CAMTA1: variants seen among roughly 807,000 people sequenced by gnomAD.
CAMTA1 encodes calmodulin-binding transcription activator 1.
In CAMTA1, 27 loss-of-function variants were observed where a neutral mutation model predicts 170.9. That is an observed-to-expected ratio of 0.16 (90% confidence interval 0.12 to 0.22). The LOEUF (loss-of-function observed/expected upper bound fraction) is 0.22. Ranked by LOEUF, CAMTA1 falls within the 10% of genes least tolerant of loss-of-function variation. CAMTA1 has a pLI of 1.00. For missense variants in CAMTA1, 1,619 were observed against 2,217.2 expected (o/e 0.73, Z 5.42); for synonymous variants, 833 against 891.5 (o/e 0.93, Z 1.17).
chr1:7,705,004 G>C (rs1444887749), intron 11 of CAMTA1, among the ~76,000 whole-genome samples: 1 of 136,602 alleles, frequency 7.3e-6, no homozygotes, highest in Non-Finnish European at 1.6e-5. Flanking sequence ...GGACACGCGT[G>C]CTCGCGGGCC....
At chr1:7,321,846 C>G (rs1206524637) in intron 5 of CAMTA1, among the ~76,000 whole-genome samples, 1 of 152,106 alleles carries the variant, frequency 6.6e-6, no homozygotes, top group Non-Finnish European at 1.5e-5. Flanking sequence ...CTTGCACCTC[C>G]TTCTCCTTTC....
At chr1:7,617,526 C>T (rs2095567107) in intron 6 of CAMTA1, among the ~76,000 whole-genome samples, 1 of 152,076 alleles carries the variant, frequency 6.6e-6, no homozygotes, top group African/African-American at 2.4e-5. Context: ...GCTCTAGGGC[C>T]AGCATATCAG....
At chr1:7,268,507 G>A (rs139353822) in intron 5 of CAMTA1, among the ~76,000 whole-genome samples, 4 of 152,202 alleles carry the variant, frequency 2.6e-5, no homozygotes, top group East Asian at 3.9e-4. Flanking sequence ...CAAACTAGTC[G>A]GTGTGAAGAG....
intron 19 of CAMTA1, among the ~76,000 whole-genome samples, chr1:7,750,185 C>A (rs2096886426): frequency 6.6e-6 from 1 of 152,182 alleles, no homozygotes; most frequent in African/African-American, 2.4e-5. Context: ...CAAAGACTTT[C>A]AGACCAGTGA....
chr1:7,390,616 C>T (rs2088591143), intron 5 of CAMTA1, among the ~76,000 whole-genome samples: 1 of 152,242 alleles, frequency 6.6e-6, no homozygotes, highest in South Asian at 2.1e-4. Context: ...TTCAGACACC[C>T]AGGCTGTGAA....
chr1:7,429,229 A>G (rs1226978178), intron 5 of CAMTA1, among the ~76,000 whole-genome samples: 1 of 152,242 alleles, frequency 6.6e-6, no homozygotes, highest in East Asian at 1.9e-4. Flanking sequence ...GGATACACGT[A>G]CCTCATATGG....
rs1460747047 is a variant in CAMTA1 at position 6,998,281 on chromosome 1, C to A, written c.235-93023C>A. Among the ~76,000 whole-genome samples the A allele has an allele frequency of 3.9e-5, 6 of 152,254 alleles. No homozygotes were observed. In the East Asian group the frequency reaches 1.2e-3, roughly 29 times the overall value. On this transcript the variant is annotated intron_variant, in intron 3 of 22. Transcript: ENST00000303635. ...ATTTTTAGTAGAGACAGAGTTTCAACATGTTGGCCAGGCTGGTCTGACCTC... is the reference window on the plus strand; with the variant it reads ...ATTTTTAGTAGAGACAGAGTTTCAAAATGTTGGCCAGGCTGGTCTGACCTC...
At chr1:7,431,157 C>G (rs2092137309) in intron 5 of CAMTA1, among the ~76,000 whole-genome samples, 1 of 152,194 alleles carries the variant, frequency 6.6e-6, no homozygotes, top group Non-Finnish European at 1.5e-5. Flanking sequence ...TCTGCCGACT[C>G]AGAGATGCCT....
At chr1:6,859,939 A>C (rs1664033193) in intron 3 of CAMTA1, among the ~76,000 whole-genome samples, 2 of 152,110 alleles carry the variant, frequency 1.3e-5, no homozygotes, top group Admixed American at 1.3e-4. Context: ...GAAGACTCAG[A>C]TCTCCTTTTA....
At position 7,203,992 on chromosome 1, in the gene CAMTA1, C is replaced by T. The variant is rs563501474; in HGVS notation, c.303-45499C>T. On this transcript the variant is annotated intron_variant, in intron 4 of 22. Coordinates refer to ENST00000303635, the MANE Select transcript of CAMTA1 (RefSeq NM_015215.4). Reference sequence around the variant, plus strand: ...GACTACAGGCGCCCGCCACCATGCCCGGCTAATTTTTTTTTTTGGTATTTT... The same window carrying T: ...GACTACAGGCGCCCGCCACCATGCCTGGCTAATTTTTTTTTTTGGTATTTT... 6.8e-3 allele frequency among the ~76,000 whole-genome samples: 1,010 copies of T among 147,756 alleles called. 6 individuals carry two copies. The highest frequency in any genetic ancestry group is 0.011 in the Non-Finnish European group (762 of 67,862).
chr1:7,361,405 TG>T (rs1451236392), intron 5 of CAMTA1, among the ~76,000 whole-genome samples: 3 of 152,156 alleles, frequency 2.0e-5, no homozygotes. Context: ...CAGGAAAAGC[TG>T]GGGAGGTGAC....
rs573348675 is a variant in CAMTA1 at position 7,766,116 on chromosome 1, G to A, written c.4990-343G>A. ...TGATAGGACATTAATGGTGGTCCAC[G>A]AGACTAAAAAGAAAGTTATTTGAAT... On this transcript the variant is annotated intron_variant, in intron 22 of 22. Transcript: ENST00000303635. Among the ~76,000 whole-genome samples the A allele has an allele frequency of 1.6e-4, 24 of 151,852 alleles. No individual in the cohort carries two copies. The South Asian group carries it at 2.9e-3, about 18-fold the overall frequency.
chr1:7,249,676 G>T lies in CAMTA1; in HGVS notation c.438+50G>T. The T allele has an allele frequency of 6.3e-7, 1 of 1,598,380 alleles. No homozygotes were observed. The highest frequency in any genetic ancestry group is 8.5e-7 in the Non-Finnish European group (1 of 1,171,026). ...GGTGCACAAATGTCATTTGCAGGCT[G>T]CAGTGGAGAATGGAATTGCTTGGAG... On this transcript the variant is annotated intron_variant, in intron 5 of 22. Coordinates refer to ENST00000303635, the MANE Select transcript of CAMTA1 (RefSeq NM_015215.4). The surrounding 1 kb of genome is among the most constrained non-coding windows in gnomAD (Gnocchi z 4.4).
intron 3 of CAMTA1, among the ~76,000 whole-genome samples, chr1:6,908,052 G>A (rs2149255455): frequency 6.6e-6 from 1 of 152,260 alleles, no homozygotes; most frequent in Middle Eastern, 3.4e-3. Flanking sequence ...CCTCAGACGT[G>A]CCAAGTAAGT....
intron 6 of CAMTA1, among the ~76,000 whole-genome samples, chr1:7,480,404 T>C (rs2093507443): frequency 6.6e-6 from 1 of 151,794 alleles, no homozygotes; most frequent in Non-Finnish European, 1.5e-5. Flanking sequence ...AGAGTGTGTG[T>C]GTGTGTGTGT....
intron 3 of CAMTA1, among the ~76,000 whole-genome samples, chr1:7,058,042 T>A (rs1292167825): frequency 6.6e-6 from 1 of 151,608 alleles, no homozygotes; most frequent in Non-Finnish European, 1.5e-5. Flanking sequence ...TCCTGGCTGA[T>A]ATTCCCTGGG....
In CAMTA1 at chr1:6,819,757, A is replaced by G. The variant is rs150527837; in HGVS notation, c.46-424A>G. Among the ~76,000 whole-genome samples the G allele has an allele frequency of 3.2e-4, 49 of 152,330 alleles. 1 individual carries two copies. The East Asian group carries it at 9.3e-3, about 29-fold the overall frequency. On this transcript the variant is annotated intron_variant, in intron 1 of 22. Transcript: ENST00000303635. The stretch of plus-strand genomic sequence containing the variant: ...TGCTGATAAGTTCCATCACTCTCAA[A>G]TACTTGATCATGTACTTCCTACAAA...
At chr1:6,921,441 T>A (rs1571728049) in intron 3 of CAMTA1, among the ~76,000 whole-genome samples, 3 of 152,376 alleles carry the variant, frequency 2.0e-5, no homozygotes, top group African/African-American at 7.2e-5. Flanking sequence ...TTTGCACGTT[T>A]TCCTGTCTTC....
At chr1:7,362,726 G>C (rs2085640902) in intron 5 of CAMTA1, among the ~76,000 whole-genome samples, 1 of 152,068 alleles carries the variant, frequency 6.6e-6, no homozygotes, top group East Asian at 1.9e-4. Context: ...CTTGGATAGA[G>C]GTGGTGGGCT....
Sources: gnomAD v4.1 joint callset for allele counts (sites outside exome capture counted in the v4.1 genomes callset) on GRCh38, gnomAD v4.1.1 for gene constraint, Gnocchi (gnomAD v3.1) non-coding constraint, MANE v1.5 for transcripts, NCBI Gene and HGNC (gene_info 2026-07-23, HGNC 2026-07-21) for gene names.